Variants in PRKCH observed in about 807,000 individuals in gnomAD.
PRKCH encodes protein kinase C eta.
Under a neutral mutation model 82.5 loss-of-function variants are expected in PRKCH, and 28 were observed. That is an observed-to-expected ratio of 0.34 (90% CI 0.25 to 0.47). The LOEUF is 0.47. Among genes scored for constraint, PRKCH ranks in the 20% least tolerant of loss-of-function variants. PRKCH has a pLI of 1.00. For missense variants in PRKCH, 705 were observed against 881.8 expected, an observed-to-expected ratio of 0.80 and a Z score of 2.54; for synonymous variants, 322 against 327.4, an observed-to-expected ratio of 0.98 and a Z score of 0.18.
At chr14:61,333,715 A>C (rs191201561) in intron 1 of PRKCH, among the ~76,000 whole-genome samples, 11 of 152,338 alleles carry the variant, frequency 7.2e-5, no homozygotes, top group African/African-American at 2.6e-4. Flanking sequence ...TAAAAAAACA[A>C]AACTAGGACA....
At chr14:61,432,849 T>C (rs1883472779) in intron 2 of PRKCH, among the ~76,000 whole-genome samples, 1 of 151,688 alleles carries the variant, frequency 6.6e-6, no homozygotes, top group South Asian at 2.1e-4. Context: ...CCTGAGATAA[T>C]AGGCGTGAGC....
chr14:61,443,301 A>G (rs1208953391), intron 3 of PRKCH, 40 bp downstream of exon 3: 1 of 1,582,670 alleles, frequency 6.3e-7, no homozygotes, highest in Admixed American at 1.8e-5. Flanking sequence ...CAGAGCTTCC[A>G]TCTAATAGGC....
intron 9 of PRKCH, among the ~76,000 whole-genome samples, chr14:61,460,483 A>G (rs1884979370): frequency 6.6e-6 from 1 of 152,202 alleles, no homozygotes; most frequent in African/African-American, 2.4e-5. Context: ...GTGGTTAAAG[A>G]TAGTGAACGT....
At position 61,368,348 on chromosome 14, in the gene PRKCH, A is replaced by C. The variant is rs538157267; in HGVS notation, c.364-22877A>C. ...AAAAAAAAAAGAGAACCGTGTCCCC[A>C]AGATGATCTTGCCTTTGAGCCTTGT... On this transcript the variant is annotated intron_variant, in intron 1 of 13. Transcript: ENST00000332981. Among the ~76,000 whole-genome samples the C allele has an allele frequency of 2.0e-5, 3 of 149,522 alleles. No homozygotes were observed. In the South Asian group the frequency reaches 6.3e-4, roughly 31 times the overall value.
chr14:61,449,276 T>C, intron 5 of PRKCH, 24 bp downstream of exon 5: 1 of 1,580,972 alleles, frequency 6.3e-7, no homozygotes, highest in Non-Finnish European at 8.7e-7. Context: ...AGTTTGCTGA[T>C]TAAATGTGCG....
At chr14:61,467,957 C>T (rs1324593123) in intron 9 of PRKCH, among the ~76,000 whole-genome samples, 1 of 152,204 alleles carries the variant, frequency 6.6e-6, no homozygotes, top group Non-Finnish European at 1.5e-5. Flanking sequence ...CCCCAGATCA[C>T]ACAGTAAGCC....
chr14:61,477,297 C>G (rs1162915142), intron 9 of PRKCH: 4 of 152,204 alleles, frequency 2.6e-5, no homozygotes, highest in Non-Finnish European at 5.9e-5. Context: ...AAAGCAATAG[C>G]TACATTTTTC....
rs1405399339 is a variant in PRKCH, at chr14:61,550,064, C to CAGAA, written c.*233_*234insAGAA. The CAGAA allele has an allele frequency of 1.5e-5, 7 of 457,974 alleles. No homozygotes were observed. Among genetic ancestry groups the CAGAA allele is most frequent in the Admixed American group, 3.6e-5 (1 of 27,558 alleles). The allele number at this position is 457,974 out of a possible 1,614,324, so 28.4% of individuals were successfully genotyped here. A position where few individuals can be genotyped will look rare whatever the true frequency, so the allele number is the denominator to read the frequency against. ...TGAAATGAGATTTTATGAAGTATAC[C>CAGAA]GCTCCACCTATGAGCGTCTGTCTCT... On this transcript the variant is annotated 3_prime_UTR_variant, in exon 14 of 14. Coordinates refer to ENST00000332981, the MANE Select transcript of PRKCH (RefSeq NM_006255.5).
At chr14:61,310,671 G>A (rs1031775679) in intron 1 of PRKCH, among the ~76,000 whole-genome samples, 3 of 152,236 alleles carry the variant, frequency 2.0e-5, no homozygotes, top group Non-Finnish European at 4.4e-5. Flanking sequence ...CTGGAGGATG[G>A]TAGCCCTTTT....
chr14:61,270,745 G>A (rs761121696), intron 1 of PRKCH, among the ~76,000 whole-genome samples: 13 of 152,178 alleles, frequency 8.5e-5, no homozygotes, highest in Non-Finnish European at 2.9e-5. Context: ...GACTGAGGAG[G>A]GAGGACTGCA....
chr14:61,321,564 G>A (rs117206619), upstream of PRKCH, among the ~76,000 whole-genome samples: 6,244 of 152,250 alleles, frequency 0.041, 197 homozygotes, highest in Middle Eastern at 0.075. The surrounding 1 kb of genome is among the most constrained non-coding windows in gnomAD (Gnocchi z 4.1). Context: ...GCGCGGGAGC[G>A]GACGCGGGGG....
intron 10 of PRKCH, chr14:61,527,887 C>G (rs1202320480): frequency 5.4e-4 from 3 of 5,514 alleles, no homozygotes; most frequent in African/African-American, 6.6e-4. Context: ...GGCCTTCTCA[C>G]TCCCCTTCTC....
intron 2 of PRKCH, among the ~76,000 whole-genome samples, chr14:61,407,176 C>T: frequency 6.6e-6 from 1 of 152,172 alleles, no homozygotes. Flanking sequence ...AGAGACTATT[C>T]TCATGCTCTG....
chr14:61,534,438 T>A (rs2043081894), intron 12 of PRKCH, among the ~76,000 whole-genome samples: 1 of 152,304 alleles, frequency 6.6e-6, no homozygotes, highest in East Asian at 1.9e-4. Context: ...ACTTGACGCC[T>A]TTTTCCAGAA....
chr14:61,310,373 T>G (rs2045513050), intron 1 of PRKCH, among the ~76,000 whole-genome samples: 1 of 152,124 alleles, frequency 6.6e-6, no homozygotes, highest in Non-Finnish European at 1.5e-5. Context: ...CCATTCCAAA[T>G]AGGAAAAATT....
Position 61,487,063 on chromosome 14 carries a change from ACT to A in PRKCH, c.1433+1412_1433+1413del, listed in dbSNP as rs370973925. ...CAAAATAGGAAGAGAACAAGTAGTA[ACT>A]CTCTTAGAGAGAGTGCAGTAAGACT... On this transcript the variant is annotated intron_variant, in intron 10 of 13. Transcript: ENST00000332981. Among the ~76,000 whole-genome samples the A allele has an allele frequency of 2.8e-3, 432 of 152,264 alleles. 1 individual carries two copies. Among genetic ancestry groups the A allele is most frequent in the Non-Finnish European group, 4.4e-3 (302 of 68,016 alleles).
chr14:61,236,276 T>A (rs1325438536), intron 1 of PRKCH, among the ~76,000 whole-genome samples: 1 of 151,706 alleles, frequency 6.6e-6, no homozygotes, highest in Non-Finnish European at 1.5e-5. Context: ...CCATCTTAAA[T>A]AGGAGATAGG....
chr14:61,251,026 A>G (rs1403766575), intron 1 of PRKCH, among the ~76,000 whole-genome samples: 1 of 152,208 alleles, frequency 6.6e-6, no homozygotes, highest in Non-Finnish European at 1.5e-5. Flanking sequence ...GTAGTCAAAA[A>G]GGGATGTTTT....
chr14:61,231,703 G>T (rs1330201505), intron 1 of PRKCH, among the ~76,000 whole-genome samples: 1 of 151,992 alleles, frequency 6.6e-6, no homozygotes, highest in African/African-American at 2.4e-5. Context: ...CCGAAACTTG[G>T]CAGTGTGTGA....
Sources: allele counts gnomAD v4.1 joint callset (sites outside exome capture counted in the v4.1 genomes callset), GRCh38; gene constraint gnomAD v4.1.1; non-coding constraint Gnocchi (gnomAD v3.1); transcripts MANE v1.5; gene names NCBI Gene and HGNC (gene_info 2026-07-23, HGNC 2026-07-21).